Variants in FAM117B observed in about 807,000 individuals in gnomAD.
The protein encoded by FAM117B is protein FAM117B.
Under a neutral mutation model 52.8 loss-of-function variants are expected in FAM117B, and 22 were observed. That is an observed-to-expected ratio of 0.42 (90% CI 0.30 to 0.59). The LOEUF (loss-of-function observed/expected upper bound fraction) is 0.59. FAM117B is among the 20% of genes least tolerant of loss of function. The probability of loss-of-function intolerance (pLI) is 0.22; values close to 1 mark genes in which losing one functional copy is unlikely to be tolerated. For missense variants in FAM117B, 678 were observed against 802.6 expected (o/e 0.84, Z 1.88); for synonymous variants, 309 against 324.1 (o/e 0.95, Z 0.50).
At chr2:202,715,895 C>T (rs1691045520) in intron 2 of FAM117B, among the ~76,000 whole-genome samples, 1 of 152,224 alleles carries the variant, frequency 6.6e-6, no homozygotes, top group African/African-American at 2.4e-5. Context: ...GCCCGGCCAA[C>T]ACAGCAAAAC....
intron 2 of FAM117B, among the ~76,000 whole-genome samples, chr2:202,703,169 C>T (rs1690820278): frequency 6.6e-6 from 1 of 152,182 alleles, no homozygotes. Flanking sequence ...ACTCCCCATC[C>T]TCCTTTTTTC....
intron 1 of FAM117B, among the ~76,000 whole-genome samples, chr2:202,673,433 GTTTTTTTTTTTTTTTTTTT>G (rs1158185300): frequency 1.1e-4 from 4 of 37,512 alleles, no homozygotes; most frequent in African/African-American, 1.6e-4. Context: ...TTCTTTTTCT[GTTTTTTTTTTTTTTTTTTT>G]TTTTTTTTTT....
chr2:202,694,073 A>C (rs894476939), intron 1 of FAM117B, among the ~76,000 whole-genome samples: 1 of 151,948 alleles, frequency 6.6e-6, no homozygotes, highest in African/African-American at 2.4e-5. Flanking sequence ...AATTATACAT[A>C]GATTTATTTT....
intron 1 of FAM117B, among the ~76,000 whole-genome samples, chr2:202,684,465 C>T (rs116455224): frequency 0.012 from 1,778 of 152,258 alleles, 14 homozygotes; most frequent in Non-Finnish European, 0.018. Context: ...AGTCAAGCAA[C>T]GTTCTCTCCC....
chr2:202,668,735 GGAAA>G (rs1230204137), intron 1 of FAM117B, among the ~76,000 whole-genome samples: 5 of 151,860 alleles, frequency 3.3e-5, no homozygotes, highest in Non-Finnish European at 7.4e-5. Context: ...CAAAGAAAAA[GGAAA>G]GAAAGTAATA....
At chr2:202,704,754 G>A (rs747010867) in intron 2 of FAM117B, among the ~76,000 whole-genome samples, 23 of 151,562 alleles carry the variant, frequency 1.5e-4, no homozygotes, top group Non-Finnish European at 2.4e-4. Flanking sequence ...ACCATGCCCG[G>A]CTAATATATA....
At chr2:202,726,855 A>G (rs1377233533) in intron 4 of FAM117B, among the ~76,000 whole-genome samples, 1 of 152,184 alleles carries the variant, frequency 6.6e-6, no homozygotes, top group Admixed American at 6.5e-5. Flanking sequence ...TAATGGGTAC[A>G]GCAAACCAAA....
chr2:202,694,084 C>G (rs1229368878), intron 1 of FAM117B, among the ~76,000 whole-genome samples: 2 of 151,472 alleles, frequency 1.3e-5, no homozygotes, highest in Non-Finnish European at 2.9e-5. Context: ...GATTTATTTT[C>G]CAATTATTAA....
intron 2 of FAM117B, among the ~76,000 whole-genome samples, chr2:202,722,609 G>T (rs1401806618): frequency 6.6e-6 from 1 of 152,050 alleles, no homozygotes; most frequent in Non-Finnish European, 1.5e-5. Flanking sequence ...CTTATAAATG[G>T]GAGCTAAATA....
intron 3 of FAM117B, 29 bp from the exon 4 acceptor site, chr2:202,726,221 T>A: frequency 6.7e-7 from 1 of 1,490,392 alleles, no homozygotes; most frequent in Non-Finnish European, 9.3e-7. Flanking sequence ...GAAAACACTC[T>A]GGTGTACTTG....
chr2:202,686,950 A>G (rs1690549990), intron 1 of FAM117B, among the ~76,000 whole-genome samples: 1 of 152,224 alleles, frequency 6.6e-6, no homozygotes, highest in South Asian at 2.1e-4. Context: ...GAATTGTCTC[A>G]TGCACTAATG....
intron 1 of FAM117B, among the ~76,000 whole-genome samples, chr2:202,665,880 C>G (rs557031810): frequency 3.3e-5 from 5 of 152,120 alleles, no homozygotes; most frequent in Admixed American, 2.0e-4. Flanking sequence ...GGATTACAGG[C>G]GTGAGCCATG....
chr2:202,675,984 C>CAAAAAAA (rs778502048), intron 1 of FAM117B, among the ~76,000 whole-genome samples: 5 of 56,698 alleles, frequency 8.8e-5, no homozygotes, highest in Non-Finnish European at 1.2e-4. Context: ...GACACAGTCT[C>CAAAAAAA]AAAAAAAAAA....
intron 4 of FAM117B, among the ~76,000 whole-genome samples, chr2:202,736,241 A>G (rs1691435997): frequency 6.6e-6 from 1 of 152,206 alleles, no homozygotes; most frequent in Non-Finnish European, 1.5e-5. Context: ...CAAAATTGAG[A>G]GAATAGGTAC....
intron 1 of FAM117B, among the ~76,000 whole-genome samples, chr2:202,642,634 A>T (rs1317247169): frequency 1.3e-5 from 2 of 152,178 alleles, no homozygotes; most frequent in Non-Finnish European, 2.9e-5. Context: ...GGAACTTCAG[A>T]TAATTTTCTA....
intron 2 of FAM117B, among the ~76,000 whole-genome samples, chr2:202,700,403 T>A (rs922521809): frequency 1.3e-5 from 2 of 152,218 alleles, no homozygotes; most frequent in African/African-American, 4.8e-5. Context: ...GTTTTAGTGA[T>A]CTAGATAGAA....
chr2:202,723,733 CA>C (rs1240693360), intron 2 of FAM117B, among the ~76,000 whole-genome samples: 1 of 152,088 alleles, frequency 6.6e-6, no homozygotes, highest in Non-Finnish European at 1.5e-5. Context: ...GAATAATAGG[CA>C]AGTCATTTTG....
At chr2:202,733,027 G>T (rs753827203) in intron 4 of FAM117B, among the ~76,000 whole-genome samples, 3 of 151,968 alleles carry the variant, frequency 2.0e-5, no homozygotes. Context: ...CCTAAGTGTC[G>T]GCTAGTCTGA....
chr2:202,696,543 T>C (rs1308665979), intron 2 of FAM117B, among the ~76,000 whole-genome samples: 2 of 152,242 alleles, frequency 1.3e-5, no homozygotes, highest in East Asian at 3.8e-4. Flanking sequence ...TGGTTTACAA[T>C]ATCATAATAT....
Sources: gnomAD v4.1 joint callset for allele counts (sites outside exome capture counted in the v4.1 genomes callset) on GRCh38, gnomAD v4.1.1 for gene constraint, MANE v1.5 for transcripts, NCBI Gene and HGNC (gene_info 2026-07-23, HGNC 2026-07-21) for gene names.